Variants in LRRC4C observed in about 807,000 individuals in gnomAD.
LRRC4C encodes leucine-rich repeat-containing protein 4C.
Under a neutral mutation model 33.6 loss-of-function variants are expected in LRRC4C, and 5 were observed. The observed-to-expected ratio is 0.15, with a 90% CI of 0.08 to 0.31. The LOEUF (loss-of-function observed/expected upper bound fraction) is 0.31, where lower values mean the gene tolerates loss of function less well. Among genes scored for constraint, LRRC4C ranks in the 10% least tolerant of loss-of-function variants. The pLI, the probability that LRRC4C is intolerant of heterozygous loss-of-function variation, is 1.00. For missense variants in LRRC4C, 560 were observed against 796.7 expected (o/e 0.70, Z 3.58); for synonymous variants, 329 against 302.0 (o/e 1.09, Z -0.93).
chr11:40,302,126 C>T (rs749681787), intron 4 of LRRC4C, among the ~76,000 whole-genome samples: 3 of 152,138 alleles, frequency 2.0e-5, no homozygotes, highest in Non-Finnish European at 2.9e-5. Context: ...ATGCTTGTGG[C>T]TAATAAAGAC....
At chr11:41,310,588 A>C (rs1004156079) in intron 1 of LRRC4C, among the ~76,000 whole-genome samples, 3 of 152,210 alleles carry the variant, frequency 2.0e-5, no homozygotes, top group African/African-American at 7.2e-5. Context: ...ACTCCATTCA[A>C]CTGCTTAGGA....
chr11:41,046,367 T>G (rs1857774843), intron 1 of LRRC4C, among the ~76,000 whole-genome samples: 1 of 152,124 alleles, frequency 6.6e-6, no homozygotes, highest in African/African-American at 2.4e-5. Flanking sequence ...TATCTCTTTC[T>G]GACTCTAATT....
At chr11:40,442,162 C>CAAAAA (rs1158464665) in intron 3 of LRRC4C, among the ~76,000 whole-genome samples, 2 of 56,190 alleles carry the variant, frequency 3.6e-5, no homozygotes, top group African/African-American at 6.9e-5. Context: ...GACTCCATTT[C>CAAAAA]AAAAAAAAAA....
At chr11:41,020,038 T>C (rs1028062651) in intron 1 of LRRC4C, among the ~76,000 whole-genome samples, 1 of 152,206 alleles carries the variant, frequency 6.6e-6, no homozygotes, top group Admixed American at 6.5e-5. Flanking sequence ...TTTGTCAATT[T>C]TGGCTTTTGT....
chr11:40,356,089 A>T (rs1044799893), intron 3 of LRRC4C, among the ~76,000 whole-genome samples: 3 of 152,070 alleles, frequency 2.0e-5, no homozygotes, highest in Admixed American at 6.5e-5. Context: ...CACATTTCTT[A>T]TATTTTCAGG....
intron 5 of LRRC4C, among the ~76,000 whole-genome samples, chr11:40,195,102 A>G (rs1215955405): frequency 2.0e-5 from 3 of 152,100 alleles, no homozygotes; most frequent in East Asian, 1.9e-4. Context: ...AAGAAAAAAA[A>G]AAAGAAAGAA....
chr11:41,208,367 T>A (rs1946683574), intron 1 of LRRC4C, among the ~76,000 whole-genome samples: 1 of 152,194 alleles, frequency 6.6e-6, no homozygotes, highest in Non-Finnish European at 1.5e-5. Flanking sequence ...AGAAGTTATT[T>A]AGCAAAAAGA....
intron 1 of LRRC4C, among the ~76,000 whole-genome samples, chr11:41,050,753 C>T (rs779601925): frequency 3.3e-5 from 5 of 152,186 alleles, no homozygotes; most frequent in Admixed American, 6.5e-5. Flanking sequence ...AGTAAACATA[C>T]GTGTGCATGT....
intron 1 of LRRC4C, among the ~76,000 whole-genome samples, chr11:41,027,773 G>T (rs1365555689): frequency 1.3e-5 from 2 of 151,574 alleles, no homozygotes; most frequent in African/African-American, 4.8e-5. Context: ...TTTTGAATTT[G>T]CTATTTTAAT....
At chr11:41,235,052 A>G (rs1947958374) in intron 1 of LRRC4C, among the ~76,000 whole-genome samples, 2 of 152,040 alleles carry the variant, frequency 1.3e-5, no homozygotes, top group Non-Finnish European at 2.9e-5. Flanking sequence ...GAAGGGTTCT[A>G]TAAACATGTG....
intron 1 of LRRC4C, among the ~76,000 whole-genome samples, chr11:41,316,940 G>A (rs1950814671): frequency 1.3e-5 from 2 of 152,198 alleles, no homozygotes; most frequent in South Asian, 4.1e-4. Flanking sequence ...AGAAATCACT[G>A]ACTCCTGTTG....
chr11:41,039,880 G>C (rs973041889), intron 1 of LRRC4C, among the ~76,000 whole-genome samples: 1 of 151,976 alleles, frequency 6.6e-6, no homozygotes, highest in Non-Finnish European at 1.5e-5. Flanking sequence ...GGTGGCTCAC[G>C]CCTGTAATCT....
intron 3 of LRRC4C, among the ~76,000 whole-genome samples, chr11:40,566,772 C>T (rs576261817): frequency 6.6e-6 from 1 of 152,164 alleles, no homozygotes; most frequent in Admixed American, 6.5e-5. Flanking sequence ...TGAAAGTAAG[C>T]ATAGCTATAA....
At chr11:40,827,040 A>G (rs1029175996) in intron 2 of LRRC4C, among the ~76,000 whole-genome samples, 4 of 151,948 alleles carry the variant, frequency 2.6e-5, no homozygotes, top group African/African-American at 9.7e-5. Context: ...TCCACTAATC[A>G]CACAACATGC....
chr11:41,159,619 A>G (rs1416250114), intron 1 of LRRC4C, among the ~76,000 whole-genome samples: 1 of 152,138 alleles, frequency 6.6e-6, no homozygotes, highest in African/African-American at 2.4e-5. Context: ...GTGATCATTC[A>G]TATTCTAAGC....
At chr11:40,800,776 A>T (rs903243885) in intron 2 of LRRC4C, among the ~76,000 whole-genome samples, 3 of 152,120 alleles carry the variant, frequency 2.0e-5, no homozygotes, top group African/African-American at 7.2e-5. Flanking sequence ...GCTCTTTCAG[A>T]AGAAAAAAAA....
intron 6 of LRRC4C, among the ~76,000 whole-genome samples, chr11:40,122,189 T>C (rs1855874045): frequency 6.6e-6 from 1 of 152,192 alleles, no homozygotes; most frequent in African/African-American, 2.4e-5. Context: ...TCTTGTATAA[T>C]CCTAAACAAG....
At chr11:40,450,075 A>G (rs1951816036) in intron 3 of LRRC4C, among the ~76,000 whole-genome samples, 1 of 152,178 alleles carries the variant, frequency 6.6e-6, no homozygotes, top group African/African-American at 2.4e-5. Context: ...CATAAAATAA[A>G]ACCAATAATG....
intron 1 of LRRC4C, among the ~76,000 whole-genome samples, chr11:41,227,019 T>C (rs1947572435): frequency 6.6e-6 from 1 of 151,896 alleles, no homozygotes; most frequent in Admixed American, 6.6e-5. Flanking sequence ...GCCAGACTGC[T>C]CAAGTGAAAT....
Sources: allele counts gnomAD v4.1 joint callset (sites outside exome capture counted in the v4.1 genomes callset), GRCh38; gene constraint gnomAD v4.1.1; transcripts MANE v1.5; gene names NCBI Gene and HGNC (gene_info 2026-07-23, HGNC 2026-07-21).